Variants in ANK3 observed in about 807,000 individuals in gnomAD.
The protein encoded by ANK3 is ankyrin 3.
In ANK3, 57 loss-of-function variants were observed where a neutral mutation model predicts 370.9. The observed-to-expected ratio is 0.15, with a 90% CI of 0.12 to 0.19. ANK3 has a LOEUF of 0.19. Among genes scored for constraint, ANK3 ranks in the 10% least tolerant of loss-of-function variants. ANK3 has a pLI of 1.00. For synonymous variants in ANK3, 1,929 were observed against 1,946.3 expected (o/e 0.99, Z 0.23); for missense variants, 4,439 against 5,302.1 (o/e 0.84, Z 5.06).
chr10:60,567,197 T>A (rs1156444749), intron 2 of ANK3, among the ~76,000 whole-genome samples: 1 of 152,170 alleles, frequency 6.6e-6, no homozygotes, highest in African/African-American at 2.4e-5. Context: ...AGATCCTACC[T>A]AGGACTGTCA....
chr10:60,297,895 T>C (rs2042882636), intron 1 of ANK3, among the ~76,000 whole-genome samples: 1 of 152,150 alleles, frequency 6.6e-6, no homozygotes, highest in Admixed American at 6.5e-5. Context: ...AGTTTGACTA[T>C]ATAAAATATC....
chr10:60,648,149 TTTTTTTTCC>T (rs2078735412), intron 1 of ANK3, among the ~76,000 whole-genome samples: 1 of 74,286 alleles, frequency 1.3e-5, no homozygotes, highest in Non-Finnish European at 2.9e-5. Flanking sequence ...CCAGCCTCTT[TTTTTTTTCC>T]TTTTTTTTTT....
rs996603260 is a variant in ANK3 at position 60,642,638 on chromosome 10, G to GGA, written c.58-27415_58-27414insTC. On this transcript the variant is annotated intron_variant, in intron 1 of 43. Coordinates refer to the ANK3 transcript ENST00000373827. ...CACACTCTGAGGACTGTTGTGGGGT[G>GGA]GGGGGGCGAGGGATAGCATTAGGAG... 3.1e-3 allele frequency among the ~76,000 whole-genome samples: 82 copies of GGA among 26,092 alleles called. 1 individual carries two copies. The South Asian group carries it at 0.19, about 61-fold the overall frequency. 17.1% of individuals were successfully genotyped at this position (26,092 alleles called of 152,430 possible).
At chr10:60,284,633 T>A (rs1201853440) in intron 1 of ANK3, among the ~76,000 whole-genome samples, 2 of 152,182 alleles carry the variant, frequency 1.3e-5, no homozygotes, top group South Asian at 2.1e-4. Context: ...TTGAATTAAC[T>A]ATTTTAGGCA....
At chr10:60,445,941 A>G (rs540936274) in intron 2 of ANK3, among the ~76,000 whole-genome samples, 29 of 152,332 alleles carry the variant, frequency 1.9e-4, no homozygotes, top group Non-Finnish European at 3.1e-4. Flanking sequence ...TGTCTGCCCA[A>G]TGTAACCACT....
intron 42 of ANK3, among the ~76,000 whole-genome samples, chr10:60,046,907 T>C (rs987587502): frequency 3.3e-5 from 5 of 151,358 alleles, no homozygotes; most frequent in Non-Finnish European, 5.9e-5. Context: ...CCCGGGTTCA[T>C]GCCATTCTCC....
chr10:60,043,812 C>T lies in ANK3; in HGVS notation c.13066-1053G>A, dbSNP rs115765859. On this transcript the variant is annotated intron_variant, in intron 42 of 43. Transcript: ENST00000280772. ...ATGGTGAAGGTTTTATCTTCTTTCTCCCTCAAACTGGCACATTCTGTCCCC... is the reference window on the plus strand; with the variant it reads ...ATGGTGAAGGTTTTATCTTCTTTCTTCCTCAAACTGGCACATTCTGTCCCC... 629 of 985,272 alleles carry T rather than the reference C, an allele frequency of 6.4e-4. 5 individuals carry two copies. The African/African-American group carries it at 8.7e-3, about 14-fold the overall frequency. The allele number at this position is 985,272 out of a possible 1,614,324, so 61.0% of individuals were successfully genotyped here.
chr10:60,392,921 T>C (rs1349848147), upstream of ANK3, among the ~76,000 whole-genome samples: 2 of 151,796 alleles, frequency 1.3e-5, no homozygotes, highest in African/African-American at 4.8e-5. Flanking sequence ...AGAGCAAGGC[T>C]CTGTCCCTTG....
intron 2 of ANK3, among the ~76,000 whole-genome samples, chr10:60,422,646 A>T (rs2063802860): frequency 6.6e-6 from 1 of 152,098 alleles, no homozygotes; most frequent in African/African-American, 2.4e-5. Context: ...TTTGGTTCAT[A>T]AACATAGCCT....
intron 1 of ANK3, among the ~76,000 whole-genome samples, chr10:60,688,982 T>C (rs2079310278): frequency 6.6e-6 from 1 of 151,776 alleles, no homozygotes; most frequent in Non-Finnish European, 1.5e-5. Flanking sequence ...ATAAAATCAG[T>C]ATTTGAACCT....
chr10:60,587,788 G>A (rs921814730), intron 2 of ANK3, among the ~76,000 whole-genome samples: 14 of 152,138 alleles, frequency 9.2e-5, no homozygotes, highest in Admixed American at 7.2e-4. Flanking sequence ...TATTAATCCT[G>A]TCTTTACTTT....
chr10:60,053,743 A>G (rs1183093923), intron 42 of ANK3: 1 of 1,303,660 alleles, frequency 7.7e-7, no homozygotes, highest in East Asian at 5.5e-5. Flanking sequence ...TTTTTAGGGG[A>G]TAAAAAGGGG....
chr10:60,298,545 C>T (rs558857006), intron 1 of ANK3, among the ~76,000 whole-genome samples: 15 of 152,252 alleles, frequency 9.9e-5, no homozygotes, highest in Non-Finnish European at 1.8e-4. Context: ...TGATTCGTAT[C>T]GGGTCAGTAC....
intron 1 of ANK3, among the ~76,000 whole-genome samples, chr10:60,304,666 T>C (rs768504635): frequency 2.6e-5 from 4 of 152,102 alleles, no homozygotes; most frequent in Admixed American, 6.6e-5. Flanking sequence ...AATTGAGTTA[T>C]ATACTTTAAA....
intron 1 of ANK3, among the ~76,000 whole-genome samples, chr10:60,710,102 C>A (rs2079682501): frequency 6.6e-6 from 1 of 152,078 alleles, no homozygotes; most frequent in South Asian, 2.1e-4. Flanking sequence ...CAGTGTTACT[C>A]AAGGTTTATG....
chr10:60,661,628 G>A (rs1387989560), intron 1 of ANK3, among the ~76,000 whole-genome samples: 1 of 151,964 alleles, frequency 6.6e-6, no homozygotes, highest in African/African-American at 2.4e-5. Context: ...CTTTACTTTG[G>A]ATTTTAAGCC....
chr10:60,618,280 G>A (rs1462296149), intron 1 of ANK3, among the ~76,000 whole-genome samples: 1 of 152,074 alleles, frequency 6.6e-6, no homozygotes. Flanking sequence ...AAAAAGAATT[G>A]TTGTTTAGAC....
chr10:60,420,780 A>C (rs908876875), intron 2 of ANK3, among the ~76,000 whole-genome samples: 5 of 152,068 alleles, frequency 3.3e-5, no homozygotes, highest in African/African-American at 1.2e-4. Flanking sequence ...AAAGGGAATA[A>C]AAAGTTACCT....
intron 8 of ANK3, among the ~76,000 whole-genome samples, chr10:60,221,441 A>C (rs767703111): frequency 5.9e-5 from 9 of 152,170 alleles, no homozygotes; most frequent in Non-Finnish European, 8.8e-5. Flanking sequence ...TTGCAGATTA[A>C]CATAGACAGA....
Sources: gnomAD v4.1 joint callset for allele counts (sites outside exome capture counted in the v4.1 genomes callset) on GRCh38, gnomAD v4.1.1 for gene constraint, MANE v1.5 for transcripts, NCBI Gene and HGNC (gene_info 2026-07-23, HGNC 2026-07-21) for gene names.